The following HIBCH variants were observed in gnomAD, a reference collection of about 807,000 sequenced individuals.
HIBCH encodes the protein 3-hydroxyisobutyryl-CoA hydrolase, mitochondrial.
In HIBCH, 50 loss-of-function variants were observed where a neutral mutation model predicts 58.2. The ratio of observed to expected loss-of-function variants is 0.86; its 90% confidence interval spans 0.68 to 1.09. The LOEUF is 1.09. Ranked by LOEUF, HIBCH falls within the 50% of genes least tolerant of loss-of-function variation. The pLI, the probability that HIBCH is intolerant of heterozygous loss-of-function variation, is 0.00. For missense variants in HIBCH, 450 were observed against 449.7 expected (o/e 1.00, Z -0.01); for synonymous variants, 151 against 146.9 (o/e 1.03, Z -0.20).
intron 1 of HIBCH, among the ~76,000 whole-genome samples, chr2:190,191,157 A>G (rs1689691941): frequency 6.6e-6 from 1 of 151,980 alleles, no homozygotes; most frequent in African/African-American, 2.4e-5. Context: ...TTATTTTTTG[A>G]GATGGAGTCT....
chr2:190,291,976 CTCT>C (rs760320872), intron 4 of HIBCH, among the ~76,000 whole-genome samples: 5 of 151,940 alleles, frequency 3.3e-5, no homozygotes, highest in Non-Finnish European at 5.9e-5. Flanking sequence ...CTCTAGAATT[CTCT>C]TGTTTGTTTT....
At chr2:190,229,917 G>A (rs1686042769) in intron 11 of HIBCH, among the ~76,000 whole-genome samples, 2 of 151,978 alleles carry the variant, frequency 1.3e-5, no homozygotes, top group South Asian at 2.1e-4. Context: ...AAACGTAACA[G>A]TTAAATTGAC....
chr2:190,305,242 T>C lies in HIBCH; in HGVS notation c.78+5512A>G, dbSNP rs376232295. Among the ~76,000 whole-genome samples the C allele has an allele frequency of 9.2e-5, 14 of 152,146 alleles. No individual in the cohort carries two copies. The East Asian group carries it at 2.1e-3, about 23-fold the overall frequency. ...ACAGAGCTTGGAAGTTCACTGGAAA[T>C]GAGAATGAGCAAGATGAGTCCGAGA... On this transcript the variant is annotated intron_variant, in intron 2 of 13. Coordinates refer to ENST00000359678, the MANE Select transcript of HIBCH (RefSeq NM_014362.4).
chr2:190,286,369 G>A (rs778427964), intron 6 of HIBCH, among the ~76,000 whole-genome samples: 1 of 152,008 alleles, frequency 6.6e-6, no homozygotes, highest in Admixed American at 6.6e-5. Flanking sequence ...TGGGTCTTTG[G>A]GTCTTCTTTT....
chr2:190,277,988 T>G (rs1429200849), intron 6 of HIBCH, among the ~76,000 whole-genome samples: 1 of 152,208 alleles, frequency 6.6e-6, no homozygotes, highest in Non-Finnish European at 1.5e-5. Flanking sequence ...GTATATATAC[T>G]AAGCCTACAC....
chr2:190,222,093 C>T (rs573064739), intron 11 of HIBCH, among the ~76,000 whole-genome samples: 1 of 152,282 alleles, frequency 6.6e-6, no homozygotes, highest in East Asian at 1.9e-4. Context: ...AAAGCACTGA[C>T]TGTAACACTC....
intron 1 of HIBCH, among the ~76,000 whole-genome samples, chr2:190,195,089 C>G (rs1222291318): frequency 6.6e-6 from 1 of 152,080 alleles, no homozygotes; most frequent in Non-Finnish European, 1.5e-5. Flanking sequence ...GTCTTGAACT[C>G]CTGGGCTCAA....
At chr2:190,226,285 A>G (rs1430964890) in intron 11 of HIBCH, among the ~76,000 whole-genome samples, 2 of 151,884 alleles carry the variant, frequency 1.3e-5, no homozygotes, top group South Asian at 2.1e-4. Context: ...AAAGAAATAA[A>G]GGTATTCAAT....
intron 12 of HIBCH, among the ~76,000 whole-genome samples, chr2:190,212,479 T>G (rs13406328): frequency 0.033 from 5,101 of 152,318 alleles, 140 homozygotes; most frequent in East Asian, 0.14. Context: ...ATATTCTATG[T>G]GATTATTGTC....
chr2:190,275,357 T>C (rs1023649588), intron 6 of HIBCH, among the ~76,000 whole-genome samples: 1 of 152,220 alleles, frequency 6.6e-6, no homozygotes, highest in African/African-American at 2.4e-5. Context: ...TAAACAAATC[T>C]GTAATTGTTA....
Position 190,279,345 on chromosome 2 carries a change from C to T in HIBCH, c.438+8241G>A, listed in dbSNP as rs996009990. ...AATATTCAAACCGTAGCATTCCATC[C>T]CTGACCTCCCAAACTCATATCCTTC... On this transcript the variant is annotated intron_variant, in intron 6 of 13. Transcript: ENST00000359678. The surrounding 1 kb of genome is among the most constrained non-coding windows in gnomAD (Gnocchi z 4.2). Among the ~76,000 whole-genome samples, 2 of 152,148 alleles carry T rather than the reference C, an allele frequency of 1.3e-5. No individual in the cohort carries two copies. The highest frequency in any genetic ancestry group is 4.8e-5 in the African/African-American group (2 of 41,428).
Position 190,261,140 on chromosome 2 carries a change from A to T in HIBCH, c.517+16T>A. 1.3e-6 allele frequency: 2 copies of T among 1,593,688 alleles called. No homozygotes were observed. Among genetic ancestry groups the T allele is most frequent in the Non-Finnish European group, 1.7e-6 (2 of 1,162,136 alleles). ...TGATGCTAAAAGTAATTATAAAAAA[A>T]ATTCTGGTTGTTTACCTATTGCAGT... On this transcript the variant is annotated intron_variant, in intron 7 of 13. Transcript: ENST00000359678.
At chr2:190,267,444 A>G (rs1575736943) in intron 6 of HIBCH, among the ~76,000 whole-genome samples, 1 of 151,114 alleles carries the variant, frequency 6.6e-6, no homozygotes, top group Non-Finnish European at 1.5e-5. Context: ...TTATTCATCC[A>G]CCTCGGCCTC....
At chr2:190,313,215 G>A (rs1010355642) in intron 1 of HIBCH, among the ~76,000 whole-genome samples, 5 of 143,582 alleles carry the variant, frequency 3.5e-5, no homozygotes, top group African/African-American at 5.2e-5. Context: ...GGGCATGTTC[G>A]AGCTCACAGC....
intron 11 of HIBCH, 132 bp from the exon 12 acceptor site, chr2:190,213,207 C>T (rs1195033533): frequency 2.6e-6 from 2 of 758,068 alleles, no homozygotes; most frequent in Non-Finnish European, 2.2e-6. Flanking sequence ...CTAGCTTAAT[C>T]CTGCCAAAGC....
intron 5 of HIBCH, 59 bp from the exon 6 acceptor site, chr2:190,287,697 TAAA>T: frequency 7.8e-7 from 1 of 1,289,276 alleles, no homozygotes. Flanking sequence ...CCCTTTTTCT[TAAA>T]AAAAAACCCA....
At chr2:190,193,896 TTTC>T (rs748038433) in intron 1 of HIBCH, among the ~76,000 whole-genome samples, 5 of 152,152 alleles carry the variant, frequency 3.3e-5, no homozygotes, top group African/African-American at 9.7e-5. Flanking sequence ...GATTTAAACT[TTTC>T]TTCTTTTCTA....
intron 2 of HIBCH, among the ~76,000 whole-genome samples, chr2:190,299,241 C>A (rs79711584): frequency 1.3e-5 from 2 of 152,158 alleles, no homozygotes; most frequent in South Asian, 2.1e-4. Flanking sequence ...TTAAGCAACA[C>A]GTTTATATAA....
At chr2:190,264,164 C>A (rs889294624) in intron 6 of HIBCH, among the ~76,000 whole-genome samples, 1 of 152,144 alleles carries the variant, frequency 6.6e-6, no homozygotes, top group Non-Finnish European at 1.5e-5. Context: ...ATTATCATGG[C>A]TGATATGGTC....
Sources: allele counts gnomAD v4.1 joint callset (sites outside exome capture counted in the v4.1 genomes callset), GRCh38; gene constraint gnomAD v4.1.1; non-coding constraint Gnocchi (gnomAD v3.1); transcripts MANE v1.5; gene names NCBI Gene and HGNC (gene_info 2026-07-23, HGNC 2026-07-21).